The following CCT3 variants were observed in gnomAD, a reference collection of about 807,000 sequenced individuals.
CCT3 encodes the protein chaperonin containing TCP1 subunit 3.
Under a neutral mutation model 65.3 loss-of-function variants are expected in CCT3, and 10 were observed. The ratio of observed to expected loss-of-function variants is 0.15; its 90% CI spans 0.09 to 0.26. CCT3 has a LOEUF of 0.26. CCT3 is among the 10% of genes least tolerant of loss of function. The pLI is 1.00. For synonymous variants in CCT3, 225 were observed against 242.3 expected (o/e 0.93, Z 0.66); for missense variants, 626 against 708.7 (o/e 0.88, Z 1.33).
chr1:156,328,473 G>C (rs1309927380), intron 5 of CCT3, among the ~76,000 whole-genome samples: 1 of 152,058 alleles, frequency 6.6e-6, no homozygotes, highest in Non-Finnish European at 1.5e-5. Context: ...TGTGTAGAGA[G>C]AAGTAGACAT....
At chr1:156,337,995 G>A (rs1665520026) in intron 1 of CCT3, among the ~76,000 whole-genome samples, 159 bp downstream of exon 1, 1 of 152,154 alleles carries the variant, frequency 6.6e-6, no homozygotes, top group Non-Finnish European at 1.5e-5. Flanking sequence ...AACAGGTTAA[G>A]AGAAGAGAGG....
rs183379824 is a variant in CCT3, at chr1:156,310,873, C to A, written c.1401+77G>T. 81 of 1,532,010 alleles carry A rather than the reference C, an allele frequency of 5.3e-5. No homozygotes were observed. In the African/African-American group the frequency reaches 9.9e-4, roughly 19 times the overall value. 94.9% of individuals were successfully genotyped at this position (1,532,010 alleles called of 1,614,324 possible). On this transcript the variant is annotated intron_variant, in intron 12 of 13. Coordinates refer to ENST00000295688, the MANE Select transcript of CCT3 (RefSeq NM_005998.5). Reference sequence around the variant, plus strand: ...TAGACTATAAAGAGAATTTGGATAGCCAGATAAGAATCTTCCCCTCAGGGC... The same window carrying A: ...TAGACTATAAAGAGAATTTGGATAGACAGATAAGAATCTTCCCCTCAGGGC...
rs139999978 is a variant in CCT3, at chr1:156,321,680, C to T, written c.423-655G>A. On this transcript the variant is annotated intron_variant, in intron 6 of 13. Coordinates refer to ENST00000295688, the MANE Select transcript of CCT3 (RefSeq NM_005998.5). ...CTTGAGGTCAGGAGTTCGAGACCAG[C>T]CTGGCCAATATGGTGAAACCCCATC... Among the ~76,000 whole-genome samples, 1,199 of 152,194 alleles carry T rather than the reference C, an allele frequency of 7.9e-3. 22 individuals carry two copies. The highest frequency in any genetic ancestry group is 0.027 in the African/African-American group (1,101 of 41,530).
chr1:156,324,353 G>T (rs781463976), intron 6 of CCT3, among the ~76,000 whole-genome samples: 16 of 152,098 alleles, frequency 1.1e-4, no homozygotes, highest in Non-Finnish European at 2.1e-4. Flanking sequence ...GTGAGCCACC[G>T]AGCCCTGCCA....
chr1:156,316,594 C>T (rs568554795), intron 10 of CCT3, among the ~76,000 whole-genome samples: 5 of 152,294 alleles, frequency 3.3e-5, no homozygotes, highest in South Asian at 2.1e-4. Context: ...GGCATGGTGG[C>T]GCATGCCAAT....
chr1:156,336,122 G>T, intron 1 of CCT3: 1 of 401,904 alleles, frequency 2.5e-6, no homozygotes, highest in South Asian at 8.3e-5. Flanking sequence ...TTCAATCCTT[G>T]GTATATTAAG....
At chr1:156,327,040 T>C (rs1474625829) in intron 5 of CCT3, among the ~76,000 whole-genome samples, 1 of 152,188 alleles carries the variant, frequency 6.6e-6, no homozygotes, top group African/African-American at 2.4e-5. Flanking sequence ...AGTGAGACTC[T>C]GTCTCAAAAT....
intron 6 of CCT3, among the ~76,000 whole-genome samples, chr1:156,323,646 T>C (rs1342377863): frequency 2.0e-5 from 3 of 151,858 alleles, no homozygotes; most frequent in Non-Finnish European, 4.4e-5. Context: ...TTTGTATTTT[T>C]AGTAGAGATG....
chr1:156,310,155 G>C lies in CCT3; in HGVS notation c.1533+403C>G, dbSNP rs375592355. 4.6e-4 allele frequency among the ~76,000 whole-genome samples: 69 copies of C among 151,538 alleles called. No homozygotes were observed. The South Asian group carries it at 0.014, about 31-fold the overall frequency. On this transcript the variant is annotated intron_variant, in intron 13 of 13. Transcript: ENST00000295688. ...GATAATTAAAGAGATAGAATGCCTTGGAATACCTTAGAGGAATATTCTGCC... is the reference window on the plus strand; with the variant it reads ...GATAATTAAAGAGATAGAATGCCTTCGAATACCTTAGAGGAATATTCTGCC...
At chr1:156,310,019 C>T (rs562488814) in intron 13 of CCT3, among the ~76,000 whole-genome samples, 87 of 105,530 alleles carry the variant, frequency 8.2e-4, no homozygotes, top group African/African-American at 3.2e-3. Context: ...GCCTGGGCAA[C>T]GGAGCGATAG....
chr1:156,333,305 A>G (rs551574547), intron 5 of CCT3: 1 of 405,914 alleles, frequency 2.5e-6, no homozygotes, highest in South Asian at 2.2e-5. Flanking sequence ...AAAAAAAAAA[A>G]AAAAGAATAT....
chr1:156,329,969 A>G (rs1328596124), intron 5 of CCT3, among the ~76,000 whole-genome samples: 2 of 151,834 alleles, frequency 1.3e-5, no homozygotes, highest in South Asian at 2.1e-4. Flanking sequence ...CCTGAGTAAG[A>G]TAACTTAGAA....
chr1:156,322,859 CA>C (rs1313534835), intron 6 of CCT3, among the ~76,000 whole-genome samples: 3 of 151,628 alleles, frequency 2.0e-5, no homozygotes, highest in Admixed American at 6.6e-5. Flanking sequence ...AACTCCGTCT[CA>C]AAAAAAAGGC....
intron 4 of CCT3, 69 bp from the exon 5 acceptor site, chr1:156,333,712 A>C: frequency 8.7e-7 from 1 of 1,148,882 alleles, no homozygotes; most frequent in East Asian, 2.4e-5. Flanking sequence ...CTTGGCCCTA[A>C]CTCTTGGGCT....
rs749088061 is a variant in CCT3 at position 156,338,198 on chromosome 1, AGAGCC to A, written c.-19_-15del. 1 of 1,585,180 alleles carries A rather than the reference AGAGCC, an allele frequency of 6.3e-7. No individual in the cohort carries two copies. The highest frequency in any genetic ancestry group is 1.3e-5 in the African/African-American group (1 of 74,822). On this transcript the variant is annotated 5_prime_UTR_variant, in exon 1 of 14. Transcript: ENST00000295688. The stretch of plus-strand genomic sequence containing the variant: ...ATGGCCCATCATGGCGACGCGATGC[AGAGCC>A]GGGTACCCAGAGCTGGGGGAACCGG...
At chr1:156,330,450 T>A (rs962425282) in intron 5 of CCT3, among the ~76,000 whole-genome samples, 7 of 151,696 alleles carry the variant, frequency 4.6e-5, no homozygotes, top group Admixed American at 2.0e-4. Flanking sequence ...TGACCTGAGG[T>A]TGATAGAGTT....
chr1:156,311,640 C>A (rs1264753506), intron 11 of CCT3, among the ~76,000 whole-genome samples: 1 of 151,932 alleles, frequency 6.6e-6, no homozygotes, highest in Non-Finnish European at 1.5e-5. Context: ...AGTTACTTAG[C>A]CTCAATGAGG....
intron 5 of CCT3, among the ~76,000 whole-genome samples, chr1:156,329,736 T>G (rs1402482991): frequency 6.6e-6 from 1 of 150,458 alleles, no homozygotes; most frequent in Non-Finnish European, 1.5e-5. Flanking sequence ...GTCAGGAGTT[T>G]GAGACCAGCC....
Position 156,333,778 on chromosome 1 carries a change from T to C in CCT3, c.208-135A>G, listed in dbSNP as rs555142806. 3.4e-4 allele frequency: 215 copies of C among 630,124 alleles called. No individual in the cohort carries two copies. In the African/African-American group the frequency reaches 3.7e-3, roughly 11 times the overall value. 39.0% of individuals were successfully genotyped at this position (630,124 alleles called of 1,614,324 possible). A position where few individuals can be genotyped will look rare whatever the true frequency, so the allele number is the denominator to read the frequency against. On this transcript the variant is annotated intron_variant, in intron 4 of 13. Coordinates refer to ENST00000295688, the MANE Select transcript of CCT3 (RefSeq NM_005998.5). ...TAATGTTTTACCATATCTTGAAAGA[T>C]TAAAATTGGCACCCCAAATAGCTTA...
Sources: allele counts gnomAD v4.1 joint callset (sites outside exome capture counted in the v4.1 genomes callset), GRCh38; gene constraint gnomAD v4.1.1; transcripts MANE v1.5; gene names NCBI Gene and HGNC (gene_info 2026-07-23, HGNC 2026-07-21).